PIAS1: variants seen among roughly 807,000 people sequenced by gnomAD.
The protein encoded by PIAS1 is E3 SUMO-protein ligase PIAS1.
PIAS1 carries 6 observed loss-of-function variants against 71.3 expected under a neutral mutation model. The observed-to-expected ratio is 0.08, with a 90% confidence interval of 0.05 to 0.17. The LOEUF is 0.17. Among genes scored for constraint, PIAS1 ranks in the 10% least tolerant of loss-of-function variants. PIAS1 has a pLI of 1.00. For synonymous variants in PIAS1, 303 were observed against 292.9 expected, an observed-to-expected ratio of 1.03 and a Z score of -0.35; for missense variants, 555 against 793.6, an observed-to-expected ratio of 0.70 and a Z score of 3.61.
At chr15:68,100,391 C>T (rs1377214310) in intron 2 of PIAS1, among the ~76,000 whole-genome samples, 1 of 152,174 alleles carries the variant, frequency 6.6e-6, no homozygotes, top group East Asian at 1.9e-4. Flanking sequence ...CCACAAGACT[C>T]CCTCTTGCTA....
chr15:68,063,101 G>A (rs571353311), intron 1 of PIAS1, among the ~76,000 whole-genome samples: 2 of 152,204 alleles, frequency 1.3e-5, no homozygotes, highest in African/African-American at 4.8e-5. Context: ...TTAACAATAG[G>A]AATGAAAACA....
intron 1 of PIAS1, among the ~76,000 whole-genome samples, chr15:68,073,308 T>C (rs2092122281): frequency 6.6e-6 from 1 of 152,180 alleles, no homozygotes; most frequent in African/African-American, 2.4e-5. Context: ...TGAGCCACCG[T>C]GCCCGGCGAG....
rs568171679 is a variant in PIAS1 at position 68,079,734 on chromosome 15, C to T, written c.25-6572C>T. 3.3e-5 allele frequency among the ~76,000 whole-genome samples: 5 copies of T among 152,284 alleles called. No individual in the cohort carries two copies. In the South Asian group the frequency reaches 6.2e-4, roughly 19 times the overall value. ...GCTCAAGTGTTCCTCCTGCCTCAGCCTCCCACAGTGCTGGGATTACAGGTG... is the reference window on the plus strand; with the variant it reads ...GCTCAAGTGTTCCTCCTGCCTCAGCTTCCCACAGTGCTGGGATTACAGGTG... On this transcript the variant is annotated intron_variant, in intron 1 of 13. Coordinates refer to ENST00000249636, the MANE Select transcript of PIAS1 (RefSeq NM_016166.3).
At chr15:68,158,938 G>A (rs1226787165) in intron 7 of PIAS1, among the ~76,000 whole-genome samples, 5 of 152,092 alleles carry the variant, frequency 3.3e-5, no homozygotes, top group African/African-American at 4.8e-5. Context: ...CTAGTTTAAC[G>A]GATGAGCTGA....
At chr15:68,077,269 T>C (rs558530153) in intron 1 of PIAS1, among the ~76,000 whole-genome samples, 38 of 152,312 alleles carry the variant, frequency 2.5e-4, no homozygotes, top group Admixed American at 7.8e-4. Flanking sequence ...AATACCATGT[T>C]CATATTAAGA....
rs1448873297 is a variant in PIAS1 at position 68,111,384 on chromosome 15, CTA to C, written c.469+24640_469+24641del. Among the ~76,000 whole-genome samples the C allele has an allele frequency of 2.0e-5, 3 of 152,184 alleles. No homozygotes were observed. In the East Asian group the frequency reaches 5.8e-4, roughly 29 times the overall value. On this transcript the variant is annotated intron_variant, in intron 2 of 13. Transcript: ENST00000249636. ...GAGGAATTCTGAAAAGAGAGTATCT[CTA>C]TATATTGCAGGGGTGTAGTAATTTA...
chr15:68,130,947 T>C (rs1376608970), intron 2 of PIAS1, among the ~76,000 whole-genome samples: 2 of 152,210 alleles, frequency 1.3e-5, no homozygotes, highest in Non-Finnish European at 2.9e-5. Context: ...TAAGCGGTTT[T>C]ATATTTTTAT....
chr15:68,091,874 A>C (rs1364636674), intron 2 of PIAS1, among the ~76,000 whole-genome samples: 2 of 152,260 alleles, frequency 1.3e-5, no homozygotes, highest in Non-Finnish European at 2.9e-5. Flanking sequence ...TGTTACCAAC[A>C]GAATGGTTGT....
At chr15:68,114,157 TAA>T (rs2141012861) in intron 2 of PIAS1, among the ~76,000 whole-genome samples, 1 of 152,186 alleles carries the variant, frequency 6.6e-6, no homozygotes, top group African/African-American at 2.4e-5. Flanking sequence ...ATTTTGTAAA[TAA>T]AAGTTACAAA....
intron 11 of PIAS1, among the ~76,000 whole-genome samples, chr15:68,180,739 A>G (rs1207496689): frequency 6.6e-6 from 1 of 152,136 alleles, no homozygotes; most frequent in African/African-American, 2.4e-5. Context: ...CCAGCTGGTA[A>G]CTCCGAACCA....
At chr15:68,077,426 C>T (rs2092179422) in intron 1 of PIAS1, among the ~76,000 whole-genome samples, 1 of 152,174 alleles carries the variant, frequency 6.6e-6, no homozygotes, top group African/African-American at 2.4e-5. Flanking sequence ...GTCCTTTTAA[C>T]ACATTTTAAG....
At chr15:68,141,276 T>G (rs1435279477) in intron 2 of PIAS1, among the ~76,000 whole-genome samples, 2 of 152,290 alleles carry the variant, frequency 1.3e-5, no homozygotes, top group East Asian at 3.9e-4. Context: ...TGGTCTAGTC[T>G]GACTGTGCTT....
intron 4 of PIAS1, among the ~76,000 whole-genome samples, chr15:68,144,986 T>A (rs2092798334): frequency 6.6e-6 from 1 of 152,146 alleles, no homozygotes; most frequent in South Asian, 2.1e-4. Context: ...CTCCCTACTA[T>A]GTAACTCAGG....
intron 7 of PIAS1, among the ~76,000 whole-genome samples, chr15:68,160,927 C>G: frequency 6.6e-6 from 1 of 152,006 alleles, no homozygotes; most frequent in East Asian, 1.9e-4. Flanking sequence ...CTAGCGTTGC[C>G]CTAGAGATCC....
chr15:68,142,024 G>C lies in PIAS1; in HGVS notation c.548G>C (p.Ser183Thr). 3 of 1,597,178 alleles carry C rather than the reference G, an allele frequency of 1.9e-6. No individual in the cohort carries two copies. Among genetic ancestry groups the C allele is most frequent in the Non-Finnish European group, 2.6e-6 (3 of 1,169,654 alleles). ...LTPQQVQQIS[S>T]SMDISGTKCD... The stretch of plus-strand genomic sequence containing the variant: ...CCACAACAAGTGCAGCAAATCAGTA[G>C]TTCCATGTAAGTTGTCGTCAAGTGT... The change falls in exon 3 of 14, where the codon AGT becomes ACT. Residue 183 changes from serine to threonine, a missense_variant. This residue lies in a region of PIAS1 where 134 missense variants were observed against 203.4 expected (regional missense o/e 0.66). Transcript: ENST00000249636.
intron 6 of PIAS1, among the ~76,000 whole-genome samples, chr15:68,152,839 A>G (rs1329843313): frequency 6.9e-6 from 1 of 145,366 alleles, no homozygotes; most frequent in Non-Finnish European, 1.5e-5. Flanking sequence ...TTACCCAACC[A>G]TGTACCCTTC....
rs2093107308 is a variant in PIAS1, at chr15:68,189,262, T to G, written c.*1427T>G. 1 of 152,186 alleles carries G rather than the reference T, an allele frequency of 6.6e-6. No individual in the cohort carries two copies. Among genetic ancestry groups the G allele is most frequent in the African/African-American group, 2.4e-5 (1 of 41,462 alleles). The allele number at this position is 152,186 out of a possible 1,614,324, so 9.4% of individuals were successfully genotyped here. A position where few individuals can be genotyped will look rare whatever the true frequency, so the allele number is the denominator to read the frequency against. ...TTCTACTAATGTTCCAAAATCCTCATCAGAGAAGGTATGATGTTCTCAGGT... is the reference window on the plus strand; with the variant it reads ...TTCTACTAATGTTCCAAAATCCTCAGCAGAGAAGGTATGATGTTCTCAGGT... On this transcript the variant is annotated 3_prime_UTR_variant, in exon 14 of 14. Transcript: ENST00000249636.
chr15:68,183,026 G>A (rs2093065346), intron 12 of PIAS1, among the ~76,000 whole-genome samples: 1 of 152,178 alleles, frequency 6.6e-6, no homozygotes, highest in African/African-American at 2.4e-5. Flanking sequence ...TTAATTGGAA[G>A]GGGCCTCCTT....
intron 4 of PIAS1, among the ~76,000 whole-genome samples, chr15:68,145,154 C>T (rs1286478059): frequency 6.6e-6 from 1 of 152,110 alleles, no homozygotes; most frequent in Non-Finnish European, 1.5e-5. Context: ...TTCCAAAAGA[C>T]TGCATTTAAT....
Sources: gnomAD v4.1 joint callset for allele counts (sites outside exome capture counted in the v4.1 genomes callset) on GRCh38, gnomAD v4.1.1 for gene constraint, gnomAD v4.1.1 regional missense constraint, MANE v1.5 for transcripts, NCBI Gene and HGNC (gene_info 2026-07-23, HGNC 2026-07-21) for gene names.